Variants in PLEKHG4B observed in about 807,000 individuals in gnomAD.
PLEKHG4B encodes the protein pleckstrin homology domain-containing family G member 4B.
In PLEKHG4B, 111 loss-of-function variants were observed where a neutral mutation model predicts 121.3. That is an observed-to-expected ratio of 0.92 (90% CI 0.78 to 1.07). PLEKHG4B has a LOEUF of 1.07. Among genes scored for constraint, PLEKHG4B ranks in the 50% least tolerant of loss-of-function variants. The pLI, the probability that PLEKHG4B is intolerant of heterozygous loss-of-function variation, is 0.00. For missense variants in PLEKHG4B, 1,831 were observed against 1,757.8 expected (o/e 1.04, Z -0.74); for synonymous variants, 738 against 725.0 (o/e 1.02, Z -0.29).
At chr5:167,757 A>T (rs1736400575) in intron 13 of PLEKHG4B, among the ~76,000 whole-genome samples, 1 of 152,244 alleles carries the variant, frequency 6.6e-6, no homozygotes, top group South Asian at 2.1e-4. Flanking sequence ...CTCCAGGCTC[A>T]CATGCTGGCC....
In PLEKHG4B at chr5:162,844, T is replaced by A; in HGVS notation, c.2772T>A (p.Gly924=). Residue 924 remains glycine (G), a synonymous_variant, in exon 13 of 20, where the codon GGT becomes GGA. Transcript: ENST00000637938. ...SVAAEAFPGA[G]VAVLKPHALG... ...CTGCAGAGGCCTTCCCCGGGGCAGG[T>A]GTGGCAGTGCTGAAGCCTCATGCCC... 1.3e-6 allele frequency: 2 copies of A among 1,513,274 alleles called. No individual in the cohort carries two copies. The highest frequency in any genetic ancestry group is 1.8e-6 in the Non-Finnish European group (2 of 1,130,554). The allele number at this position is 1,513,274 out of a possible 1,614,324, so 93.7% of individuals were successfully genotyped here. A position where few individuals can be genotyped will look rare whatever the true frequency, so the allele number is the denominator to read the frequency against.
At chr5:99,225 G>A (rs2126331830) in intron 1 of PLEKHG4B, among the ~76,000 whole-genome samples, 1 of 131,634 alleles carries the variant, frequency 7.6e-6, no homozygotes, top group East Asian at 2.2e-4. Context: ...TTGCGATTTT[G>A]GGGCCCTTGC....
chr5:164,095 G>A (rs1468889903), intron 13 of PLEKHG4B, among the ~76,000 whole-genome samples: 2 of 152,272 alleles, frequency 1.3e-5, no homozygotes, highest in African/African-American at 4.8e-5. Context: ...GGTACTGGTC[G>A]TGAGGGCTAG....
At chr5:173,295 G>A (rs1199073314) in intron 17 of PLEKHG4B, among the ~76,000 whole-genome samples, 1 of 152,172 alleles carries the variant, frequency 6.6e-6, no homozygotes, top group East Asian at 1.9e-4. Flanking sequence ...TCCAGTCCAG[G>A]GGCTGAGAAA....
rs1223434884 is a variant in PLEKHG4B, at chr5:139,021, C to T, written c.244-462C>T. Among the ~76,000 whole-genome samples the T allele has an allele frequency of 2.0e-5, 3 of 152,342 alleles. No individual in the cohort carries two copies. The highest frequency in any genetic ancestry group is 7.2e-5 in the African/African-American group (3 of 41,580). On this transcript the variant is annotated intron_variant, in intron 2 of 19. Coordinates refer to ENST00000637938, the MANE Select transcript of PLEKHG4B (RefSeq NM_052909.5). The surrounding 1 kb of genome is among the most constrained non-coding windows in gnomAD (Gnocchi z 5.0). ...CCTCGCTAAGGAGGCCGAGGTAGCG[C>T]CTGCAGCAGCCGGGAGCCACAGGGA...
intron 1 of PLEKHG4B, among the ~76,000 whole-genome samples, chr5:111,204 G>A (rs1734148085): frequency 6.6e-6 from 1 of 152,258 alleles, no homozygotes; most frequent in Admixed American, 6.5e-5. Context: ...AGCATTCGAA[G>A]GCTGCTATGA....
At chr5:103,073 G>A (rs1403145883) in intron 1 of PLEKHG4B, among the ~76,000 whole-genome samples, 21 of 152,110 alleles carry the variant, frequency 1.4e-4, no homozygotes, top group Admixed American at 1.4e-3. Flanking sequence ...TCCTTCCCTG[G>A]CCCAGGACAG....
intron 2 of PLEKHG4B, among the ~76,000 whole-genome samples, chr5:120,540 A>G (rs546163268): frequency 6.6e-6 from 1 of 152,314 alleles, no homozygotes; most frequent in Admixed American, 6.5e-5. Flanking sequence ...CTGGGCTGAA[A>G]GGTGGAGAGA....
intron 1 of PLEKHG4B, among the ~76,000 whole-genome samples, chr5:99,373 A>C (rs1455537976): frequency 1.3e-5 from 2 of 151,652 alleles, no homozygotes; most frequent in African/African-American, 4.9e-5. Context: ...CAATTCATGA[A>C]CACACAATGT....
Position 171,252 on chromosome 5 carries a change from C to T in PLEKHG4B, c.3858C>T (p.Ala1286=), listed in dbSNP as rs368201049. 9 of 1,608,688 alleles carry T rather than the reference C, an allele frequency of 5.6e-6. No homozygotes were observed. In the African/African-American group the frequency reaches 9.4e-5, roughly 17 times the overall value. ...QRELGDKMDL[A]SYLLRPVQRV... ...AGCTAGGTGACAAAATGGACCTGGC[C>T]TCCTACCTGCTGCGGCCCGTGCAGC... is the stretch of plus-strand genomic sequence containing the variant. Residue 1286 remains alanine (A), a synonymous_variant, in exon 16 of 20, where the codon GCC becomes GCT. Coordinates refer to ENST00000637938, the MANE Select transcript of PLEKHG4B (RefSeq NM_052909.5).
chr5:145,793 AGGGACAGGGAGG>A (rs1169497453), intron 6 of PLEKHG4B, among the ~76,000 whole-genome samples: 2 of 152,034 alleles, frequency 1.3e-5, no homozygotes, highest in Admixed American at 1.3e-4. Context: ...GTCCAGGGAC[AGGGACAGGGAGG>A]GGACGGGGAC....
At chr5:161,971 C>A in intron 12 of PLEKHG4B, 27 bp downstream of exon 12, 1 of 1,585,528 alleles carries the variant, frequency 6.3e-7, no homozygotes, top group South Asian at 1.1e-5. Flanking sequence ...GCGTGCGTCC[C>A]AGGGATCCCG....
Position 169,509 on chromosome 5 carries a change from G to A in PLEKHG4B, c.3646G>A (p.Asp1216Asn), listed in dbSNP as rs753179496. 18 of 1,614,148 alleles carry A rather than the reference G, an allele frequency of 1.1e-5. No individual in the cohort carries two copies. In the East Asian group the frequency reaches 2.2e-4, roughly 20 times the overall value. Reference sequence around the variant, plus strand: ...TTTCGGCAACTTGGAGAAGCTCCACGACTTCCACCAGCAGCACTTCCTCCG... The same window carrying A: ...TTTCGGCAACTTGGAGAAGCTCCACAACTTCCACCAGCAGCACTTCCTCCG... The part of the protein sequence containing the change: ...VIFGNLEKLH[D>N]FHQQHFLREL... Residue 1216 changes from aspartate to asparagine, a missense_variant, in exon 14 of 20, where the codon GAC becomes AAC. By Grantham distance (23) the Asp-to-Asn change is conservative. Coordinates refer to ENST00000637938, the MANE Select transcript of PLEKHG4B (RefSeq NM_052909.5).
chr5:97,794 C>CA (rs1419412852), intron 1 of PLEKHG4B, among the ~76,000 whole-genome samples: 1 of 152,104 alleles, frequency 6.6e-6, no homozygotes, highest in Admixed American at 6.5e-5. Context: ...ATTTCTCTTG[C>CA]AGATATACCT....
intron 18 of PLEKHG4B, among the ~76,000 whole-genome samples, chr5:176,373 C>T (rs1409370403): frequency 6.6e-6 from 1 of 152,258 alleles, no homozygotes; most frequent in Admixed American, 6.5e-5. Context: ...TTCCAAGCAC[C>T]TGGAGCCTGC....
intron 6 of PLEKHG4B, among the ~76,000 whole-genome samples, chr5:149,858 A>G (rs1049986083): frequency 6.6e-6 from 1 of 152,200 alleles, no homozygotes; most frequent in Non-Finnish European, 1.5e-5. Flanking sequence ...TGGCTATTGT[A>G]AAAAAACAAC....
intron 13 of PLEKHG4B, among the ~76,000 whole-genome samples, chr5:167,376 G>T (rs1736385876): frequency 6.6e-6 from 1 of 152,126 alleles, no homozygotes; most frequent in African/African-American, 2.4e-5. Flanking sequence ...CCACAGCTGT[G>T]CTTCCCATCA....
intron 1 of PLEKHG4B, among the ~76,000 whole-genome samples, chr5:102,735 AT>A (rs1733859621): frequency 6.6e-6 from 1 of 152,208 alleles, no homozygotes; most frequent in South Asian, 2.1e-4. Flanking sequence ...GTATCTCTTT[AT>A]AGCAGTGTGA....
At chr5:121,536 G>A (rs898869276) in intron 2 of PLEKHG4B, among the ~76,000 whole-genome samples, 2 of 152,118 alleles carry the variant, frequency 1.3e-5, no homozygotes, top group African/African-American at 2.4e-5. Flanking sequence ...AAATAAAGAA[G>A]TATTGTTAGA....
Sources: gnomAD v4.1 joint callset for allele counts (sites outside exome capture counted in the v4.1 genomes callset) on GRCh38, gnomAD v4.1.1 for gene constraint, Gnocchi (gnomAD v3.1) non-coding constraint, MANE v1.5 for transcripts, NCBI Gene and HGNC (gene_info 2026-07-23, HGNC 2026-07-21) for gene names.